Variants in PDE10A observed in about 807,000 individuals in gnomAD.
The protein encoded by PDE10A is phosphodiesterase 10A, also known as cAMP and cAMP-inhibited cGMP 3',5'-cyclic phosphodiesterase 10A.
PDE10A carries 39 observed loss-of-function variants against 97.7 expected under a neutral mutation model. The ratio of observed to expected loss-of-function variants is 0.40; its 90% CI spans 0.31 to 0.52. The LOEUF (loss-of-function observed/expected upper bound fraction) is 0.52. Among genes scored for constraint, PDE10A ranks in the 20% least tolerant of loss-of-function variants. The pLI is 0.56. For missense variants in PDE10A, 731 were observed against 1,047.8 expected (o/e 0.70, Z 4.17); for synonymous variants, 371 against 376.8 (o/e 0.98, Z 0.18).
At chr6:165,690,938 T>G (rs1791254163) in intron 1 of PDE10A, among the ~76,000 whole-genome samples, 1 of 152,126 alleles carries the variant, frequency 6.6e-6, no homozygotes, top group Non-Finnish European at 1.5e-5. Context: ...CTCTCCTGCT[T>G]CTCAAGCCTC....
At chr6:165,778,401 C>A (rs2128461178) in intron 1 of PDE10A, among the ~76,000 whole-genome samples, 1 of 152,290 alleles carries the variant, frequency 6.6e-6, no homozygotes, top group East Asian at 1.9e-4. Context: ...TATTTTGTTT[C>A]TAAAATTCAT....
intron 1 of PDE10A, among the ~76,000 whole-genome samples, chr6:165,951,082 G>A (rs1029691767): frequency 2.6e-5 from 4 of 152,178 alleles, no homozygotes; most frequent in African/African-American, 9.7e-5. Flanking sequence ...ATTGGCAAAG[G>A]CCATGAAGGT....
rs1397627967 is a variant in PDE10A at position 165,328,272 on chromosome 6, G to C, written c.*4753C>G. The C allele has an allele frequency of 6.6e-6, 1 of 152,152 alleles. No homozygotes were observed. The highest frequency in any genetic ancestry group is 1.5e-5 in the Non-Finnish European group (1 of 68,026). 9.4% of individuals were successfully genotyped at this position (152,152 alleles called of 1,614,324 possible). On this transcript the variant is annotated 3_prime_UTR_variant, in exon 22 of 22. Transcript: ENST00000539869. ...AGGACTGGGTATTAAGGTGACTAAA[G>C]AAAAAGACAAAGGCTGTAACGCCCA...
intron 1 of PDE10A, among the ~76,000 whole-genome samples, chr6:165,701,805 T>A (rs1562692864): frequency 6.6e-6 from 1 of 151,698 alleles, no homozygotes; most frequent in Non-Finnish European, 1.5e-5. Context: ...GTGTGTGTGT[T>A]TGCATTTGTG....
At chr6:165,787,204 A>G (rs1025707211) in intron 1 of PDE10A, among the ~76,000 whole-genome samples, 4 of 152,210 alleles carry the variant, frequency 2.6e-5, no homozygotes, top group Non-Finnish European at 4.4e-5. Flanking sequence ...TTACTGATAA[A>G]CAGCCATTAA....
At chr6:165,893,824 A>AT (rs11381418) in intron 1 of PDE10A, among the ~76,000 whole-genome samples, 68,782 of 145,338 alleles carry the variant, frequency 0.47, 16,303 homozygotes, top group East Asian at 0.66. Context: ...CATTAGTGCC[A>AT]TTTTTTTTTT....
chr6:165,774,632 C>A (rs2128460515), intron 1 of PDE10A, among the ~76,000 whole-genome samples: 1 of 146,416 alleles, frequency 6.8e-6, no homozygotes, highest in East Asian at 2.0e-4. Context: ...AAATAAATGA[C>A]CTGGAAAAGA....
At chr6:165,828,037 T>G (rs1035427628) in intron 1 of PDE10A, among the ~76,000 whole-genome samples, 1 of 152,208 alleles carries the variant, frequency 6.6e-6, no homozygotes, top group African/African-American at 2.4e-5. Context: ...GGGGTAAATG[T>G]CATCTCAATG....
intron 1 of PDE10A, among the ~76,000 whole-genome samples, chr6:165,651,964 GGTTT>G (rs1433204697): frequency 1.9e-4 from 29 of 152,072 alleles, no homozygotes; most frequent in Admixed American, 1.8e-3. Flanking sequence ...CACGTGTCTG[GGTTT>G]GTTAACACTT....
intron 3 of PDE10A, among the ~76,000 whole-genome samples, chr6:165,481,179 T>A: frequency 6.6e-6 from 1 of 152,212 alleles, no homozygotes; most frequent in Non-Finnish European, 1.5e-5. Flanking sequence ...TCCTCAAGCA[T>A]CACTTTTCAG....
At chr6:165,659,582 T>C (rs1790132321) in intron 1 of PDE10A, among the ~76,000 whole-genome samples, 1 of 152,242 alleles carries the variant, frequency 6.6e-6, no homozygotes, top group Non-Finnish European at 1.5e-5. Context: ...TGTTTAAAAG[T>C]ATCTTCTTGT....
At chr6:165,437,775 T>C (rs1790127364) in intron 5 of PDE10A, among the ~76,000 whole-genome samples, 1 of 152,218 alleles carries the variant, frequency 6.6e-6, no homozygotes, top group African/African-American at 2.4e-5. Context: ...TTGTTGTTTC[T>C]GACATGTTTT....
chr6:165,386,359 T>C (rs1785301470), intron 17 of PDE10A, among the ~76,000 whole-genome samples: 1 of 152,194 alleles, frequency 6.6e-6, no homozygotes, highest in African/African-American at 2.4e-5. Flanking sequence ...AAACTAATCC[T>C]ATTATATTTA....
intron 16 of PDE10A, among the ~76,000 whole-genome samples, chr6:165,390,558 T>C (rs1440046238): frequency 1.3e-5 from 2 of 151,880 alleles, no homozygotes; most frequent in Non-Finnish European, 2.9e-5. Context: ...AGCATGATAA[T>C]GGAGGAGAGA....
chr6:165,575,191 C>T (rs1411313045), intron 1 of PDE10A, among the ~76,000 whole-genome samples: 1 of 152,184 alleles, frequency 6.6e-6, no homozygotes, highest in African/African-American at 2.4e-5. Flanking sequence ...CTTAGTCCCA[C>T]CCCACACTAG....
intron 1 of PDE10A, among the ~76,000 whole-genome samples, chr6:165,755,181 C>A (rs1222548998): frequency 6.6e-6 from 1 of 152,142 alleles, no homozygotes; most frequent in Non-Finnish European, 1.5e-5. Flanking sequence ...TGGCCTGCGA[C>A]CAGAGGAGCA....
chr6:165,815,802 A>C (rs1291591372), intron 1 of PDE10A, among the ~76,000 whole-genome samples: 1 of 152,134 alleles, frequency 6.6e-6, no homozygotes, highest in East Asian at 1.9e-4. Context: ...CCACTAGCCC[A>C]TTCTGGTCCC....
Position 165,443,879 on chromosome 6 carries a change from G to T in PDE10A, c.1194+5049C>A, listed in dbSNP as rs140926817. Among the ~76,000 whole-genome samples, 22 of 152,226 alleles carry T rather than the reference G, an allele frequency of 1.4e-4. No individual in the cohort carries two copies. In the East Asian group the frequency reaches 4.3e-3, roughly 29 times the overall value. ...CTCTGGACCTGTGATGGGAGGGGCTGCTGTGAAGATCTCTGAAATGTCCTG... is the reference window on the plus strand; with the variant it reads ...CTCTGGACCTGTGATGGGAGGGGCTTCTGTGAAGATCTCTGAAATGTCCTG... On this transcript the variant is annotated intron_variant, in intron 5 of 21. Transcript: ENST00000539869.
At chr6:165,400,569 G>A (rs891607894) in intron 13 of PDE10A, among the ~76,000 whole-genome samples, 4 of 152,210 alleles carry the variant, frequency 2.6e-5, no homozygotes, top group Non-Finnish European at 4.4e-5. Flanking sequence ...ATGGTGTACA[G>A]ATGACAAATG....
Sources: gnomAD v4.1 joint callset for allele counts (sites outside exome capture counted in the v4.1 genomes callset) on GRCh38, gnomAD v4.1.1 for gene constraint, MANE v1.5 for transcripts, NCBI Gene and HGNC (gene_info 2026-07-23, HGNC 2026-07-21) for gene names.